Variants in ITCH observed in about 807,000 individuals in gnomAD.
ITCH encodes the protein E3 ubiquitin-protein ligase Itchy homolog.
In ITCH, 28 loss-of-function variants were observed where a neutral mutation model predicts 126.8. The ratio of observed to expected loss-of-function variants is 0.22; its 90% CI spans 0.16 to 0.30. ITCH has a LOEUF of 0.30. Ranked by LOEUF, ITCH falls within the 10% of genes least tolerant of loss-of-function variation. The pLI is 1.00. For missense variants in ITCH, 631 were observed against 1,032.4 expected (o/e 0.61, Z 5.33); for synonymous variants, 342 against 340.0 (o/e 1.01, Z -0.06).
Position 34,481,208 on chromosome 20 carries a change from TGA to T in ITCH, c.2093+6_2093+7del. On this transcript the variant is annotated splice_donor_region_variant and intron_variant, in intron 20 of 24. Coordinates refer to ENST00000374864, the MANE Select transcript of ITCH (RefSeq NM_031483.7). ...AGAAAATAAAGAGGAATACATCAGG[TGA>T]GAGTGCTCCTTTTCACATTTCACTT... The T allele has an allele frequency of 6.2e-7, 1 of 1,613,336 alleles. No individual in the cohort carries two copies. The highest frequency in any genetic ancestry group is 8.5e-7 in the Non-Finnish European group (1 of 1,179,544).
intron 6 of ITCH, among the ~76,000 whole-genome samples, chr20:34,421,537 G>T (rs1253349285): frequency 6.6e-6 from 1 of 152,230 alleles, no homozygotes; most frequent in Non-Finnish European, 1.5e-5. Context: ...GTAAAATGCA[G>T]TGGTTAAGAA....
At chr20:34,417,252 A>G in intron 6 of ITCH, 1 of 577,118 alleles carries the variant, frequency 1.7e-6, no homozygotes. Context: ...ATGCACCACC[A>G]CGCCTGGCTA....
intron 10 of ITCH, among the ~76,000 whole-genome samples, chr20:34,444,335 G>T (rs1984157539): frequency 6.6e-6 from 1 of 152,172 alleles, no homozygotes; most frequent in Admixed American, 6.5e-5. Context: ...TGTAATCCCA[G>T]CACTTTGGGA....
intron 14 of ITCH, 21 bp downstream of exon 14, chr20:34,462,242 A>G (rs1986603087): frequency 6.2e-7 from 1 of 1,610,534 alleles, no homozygotes; most frequent in African/African-American, 1.3e-5. Flanking sequence ...TAAACATTGT[A>G]GATTAAGAGT....
chr20:34,482,388 T>C (rs749619465), intron 20 of ITCH, among the ~76,000 whole-genome samples: 34 of 152,214 alleles, frequency 2.2e-4, no homozygotes, highest in Admixed American at 2.2e-3. Flanking sequence ...AGCAACTTAG[T>C]TACTTCCTAC....
At position 34,383,524 on chromosome 20, in the gene ITCH, G is replaced by A. The variant is rs540724941; in HGVS notation, c.-21-10267G>A. Among the ~76,000 whole-genome samples, 10 of 151,410 alleles carry A rather than the reference G, an allele frequency of 6.6e-5. No homozygotes were observed. The South Asian group carries it at 8.4e-4, about 13-fold the overall frequency. On this transcript the variant is annotated intron_variant, in intron 2 of 24. Coordinates refer to ENST00000374864, the MANE Select transcript of ITCH (RefSeq NM_031483.7). ...TGGGATTACAGGTATGCGCCACCAC[G>A]CCCAGCTAATTTTGTATTATCAGTA...
At chr20:34,374,415 C>T (rs1396088574) in intron 2 of ITCH, among the ~76,000 whole-genome samples, 1 of 152,110 alleles carries the variant, frequency 6.6e-6, no homozygotes, top group Non-Finnish European at 1.5e-5. Context: ...GTTTTCTCAT[C>T]TGTAAATTGG....
At chr20:34,470,993 T>C (rs947770416) in intron 15 of ITCH, among the ~76,000 whole-genome samples, 4 of 152,208 alleles carry the variant, frequency 2.6e-5, no homozygotes, top group Admixed American at 2.0e-4. Context: ...CAGTGTTTTT[T>C]TCAGATGTGA....
At chr20:34,494,860 G>A (rs1202913755) in intron 23 of ITCH, among the ~76,000 whole-genome samples, 2 of 152,110 alleles carry the variant, frequency 1.3e-5, no homozygotes, top group African/African-American at 4.8e-5. Flanking sequence ...TCAGGAGGTT[G>A]AGGTGGGAGG....
chr20:34,501,603 G>A (rs931474229), intron 23 of ITCH, among the ~76,000 whole-genome samples: 1 of 151,858 alleles, frequency 6.6e-6, no homozygotes, highest in Non-Finnish European at 1.5e-5. Context: ...TGGAGAAACC[G>A]TATCTCTACT....
At chr20:34,471,542 C>T (rs913431914) in intron 16 of ITCH, 27 bp downstream of exon 16, 5 of 1,401,680 alleles carry the variant, frequency 3.6e-6, no homozygotes, top group South Asian at 1.2e-5. Context: ...TCAATAATTT[C>T]CCCCCTGGCT....
Position 34,419,515 on chromosome 20 carries a change from A to G in ITCH, c.476-4965A>G, listed in dbSNP as rs943439596. 5.5e-5 allele frequency among the ~76,000 whole-genome samples: 8 copies of G among 146,482 alleles called. No individual in the cohort carries two copies. In the East Asian group the frequency reaches 1.6e-3, roughly 29 times the overall value. ...TTTTTTTTTTGAGACGGAGTCTTCC[A>G]CTGTTGCCCCGGCTTGAGTGCAGTG... On this transcript the variant is annotated intron_variant, in intron 6 of 24. Coordinates refer to ENST00000374864, the MANE Select transcript of ITCH (RefSeq NM_031483.7).
chr20:34,482,559 C>A (rs927139502), intron 20 of ITCH, among the ~76,000 whole-genome samples: 4 of 152,228 alleles, frequency 2.6e-5, no homozygotes, highest in African/African-American at 9.6e-5. Flanking sequence ...GTCTCATATG[C>A]AAGTCACCCT....
chr20:34,397,222 C>T (rs565549524), intron 3 of ITCH, among the ~76,000 whole-genome samples: 1 of 152,240 alleles, frequency 6.6e-6, no homozygotes, highest in East Asian at 1.9e-4. Context: ...GAGGTTTCAC[C>T]ATCTTGACCA....
At chr20:34,468,657 G>C (rs560410426) in intron 14 of ITCH, among the ~76,000 whole-genome samples, 2 of 152,090 alleles carry the variant, frequency 1.3e-5, no homozygotes, top group African/African-American at 2.4e-5. Context: ...CAGTCATGGT[G>C]GTGGGCACCT....
chr20:34,367,013 C>T (rs778061968), intron 1 of ITCH, among the ~76,000 whole-genome samples: 1 of 151,942 alleles, frequency 6.6e-6, no homozygotes, highest in African/African-American at 2.4e-5. Context: ...TAGAGCTAAT[C>T]TGGGTAAAGG....
At chr20:34,429,139 A>G (rs1039495596) in intron 7 of ITCH, among the ~76,000 whole-genome samples, 1 of 152,082 alleles carries the variant, frequency 6.6e-6, no homozygotes, top group Non-Finnish European at 1.5e-5. Context: ...AGGTTTCACC[A>G]TGTTGGCCAG....
chr20:34,438,423 G>C, intron 7 of ITCH, 51 bp from the exon 8 acceptor site: 1 of 1,580,772 alleles, frequency 6.3e-7, no homozygotes. Context: ...TAAATTCAAG[G>C]AGTATTCATT....
At chr20:34,410,735 A>G (rs181309685) in intron 4 of ITCH, among the ~76,000 whole-genome samples, 2 of 152,330 alleles carry the variant, frequency 1.3e-5, no homozygotes, top group African/African-American at 2.4e-5. Context: ...CGCAGCCTCC[A>G]TGATTACCAG....
Sources: gnomAD v4.1 joint callset for allele counts (sites outside exome capture counted in the v4.1 genomes callset) on GRCh38, gnomAD v4.1.1 for gene constraint, MANE v1.5 for transcripts, NCBI Gene and HGNC (gene_info 2026-07-23, HGNC 2026-07-21) for gene names.